KCTD14: variants seen among roughly 807,000 people sequenced by gnomAD.
KCTD14 encodes the protein BTB/POZ domain-containing protein KCTD14.
In KCTD14, 7 loss-of-function variants were observed where a neutral mutation model predicts 5.9. The ratio of observed to expected loss-of-function variants is 1.19; its 90% CI spans 0.68 to 2.23. The LOEUF (loss-of-function observed/expected upper bound fraction) is 2.23. KCTD14 is among the 30% of genes most tolerant of loss of function. KCTD14 has a pLI of 0.00. For missense variants in KCTD14, 342 were observed against 332.2 expected, an observed-to-expected ratio of 1.03 and a Z score of -0.23; for synonymous variants, 140 against 133.1, an observed-to-expected ratio of 1.05 and a Z score of -0.36.
intron 1 of KCTD14, among the ~76,000 whole-genome samples, chr11:78,022,104 T>A (rs1440390179): frequency 2.0e-5 from 3 of 152,290 alleles, no homozygotes; most frequent in East Asian, 3.9e-4. Flanking sequence ...ATTCCCTGTT[T>A]CTTCATTGAC....
intron 2 of KCTD14, among the ~76,000 whole-genome samples, chr11:78,030,169 C>T (rs1051053775): frequency 1.3e-5 from 2 of 151,978 alleles, no homozygotes; most frequent in African/African-American, 2.4e-5. Flanking sequence ...CTTCTTTTTT[C>T]CCCCCCTCCA....
At position 78,030,621 on chromosome 11, in the gene KCTD14, C is replaced by T. The variant is rs190709595; in HGVS notation, c.-1+8043G>A. ...GCACTGCTTCCTTCTGCCCTCCCCT[C>T]ACTCACTCCCCTCTGTTCTTCAGGA... On this transcript the variant is annotated intron_variant, in intron 2 of 2. Transcript: ENST00000533144. 2.0e-5 allele frequency among the ~76,000 whole-genome samples: 3 copies of T among 152,346 alleles called. No homozygotes were observed. In the East Asian group the frequency reaches 5.8e-4, roughly 29 times the overall value.
chr11:78,022,245 T>C (rs1857329215), intron 1 of KCTD14, among the ~76,000 whole-genome samples: 1 of 151,850 alleles, frequency 6.6e-6, no homozygotes, highest in Non-Finnish European at 1.5e-5. Flanking sequence ...CGAGACCCCA[T>C]CTCTATTTTA....
rs774763251 is a variant in KCTD14, at chr11:78,016,776, G to A, written c.585C>T (p.Phe195=). ...AGGGCCCAAACTTGACAACAGACTTGAACATCTTCTTATCCTGCAGAAAAC... is the reference window on the plus strand; with the variant it reads ...AGGGCCCAAACTTGACAACAGACTTAAACATCTTCTTATCCTGCAGAAAAC... The part of the protein sequence containing the change: ...VLCFLQDKKM[F]KSVVKFGPWK... The change falls in exon 2 of 2, where the codon TTC becomes TTT. Residue 195 remains phenylalanine (F), a synonymous_variant. Coordinates refer to ENST00000353172, the MANE Select transcript of KCTD14 (RefSeq NM_023930.4). 4.8e-5 allele frequency: 77 copies of A among 1,614,006 alleles called. No individual in the cohort carries two copies. The highest frequency in any genetic ancestry group is 5.5e-5 in the Non-Finnish European group (65 of 1,179,998).
upstream of KCTD14, among the ~76,000 whole-genome samples, chr11:78,025,103 T>TGC (rs1857418580): frequency 1.5e-5 from 1 of 64,598 alleles, no homozygotes; most frequent in African/African-American, 8.5e-5. Context: ...TGTGTGTGTG[T>TGC]GTGTGTGTGT....
At chr11:78,030,099 T>C (rs950433456) in intron 2 of KCTD14, among the ~76,000 whole-genome samples, 1 of 152,116 alleles carries the variant, frequency 6.6e-6, no homozygotes, top group African/African-American at 2.4e-5. Context: ...GTGAGAAAAT[T>C]TCTTTAGAGC....
Position 78,016,910 on chromosome 11 carries a change from G to C in KCTD14, c.451C>G (p.Leu151Val). The change falls in exon 2 of 2, where the codon CTC (leucine) becomes GTC (valine). Residue 151 changes from leucine to valine, a missense_variant. By Grantham distance (32) the Leu-to-Val change is conservative. Coordinates refer to ENST00000353172, the MANE Select transcript of KCTD14 (RefSeq NM_023930.4). ...TCTGCACGTGCCAGGCGCACCATGA[G>C]CTCCAGGTTCTCGCTGTAGCCCGGC... ...QVPGYSENLE[L>V]MVRLARAEAI... is the part of the protein sequence containing the mutation. 6.2e-7 allele frequency: 1 copy of C among 1,614,198 alleles called. No individual in the cohort carries two copies. The highest frequency in any genetic ancestry group is 1.1e-5 in the South Asian group (1 of 91,086).
intron 1 of KCTD14, among the ~76,000 whole-genome samples, chr11:78,038,984 G>A (rs1025850277): frequency 1.0e-4 from 15 of 150,160 alleles, no homozygotes; most frequent in East Asian, 4.0e-4. Flanking sequence ...AGGAATTGGC[G>A]CCCTGCCTAA....
At chr11:78,024,009 G>A (rs1160570164), upstream of KCTD14, among the ~76,000 whole-genome samples, 1 of 152,026 alleles carries the variant, frequency 6.6e-6, no homozygotes, top group Non-Finnish European at 1.5e-5. Context: ...CTTGAATCGG[G>A]GAACACCAGA....
At chr11:78,041,156 G>C (rs1243794515) in intron 1 of KCTD14, among the ~76,000 whole-genome samples, 3 of 152,202 alleles carry the variant, frequency 2.0e-5, no homozygotes. Flanking sequence ...AGCACACTGG[G>C]TCTGATGACT....
intron 1 of KCTD14, 46 bp from the exon 2 acceptor site, chr11:78,017,316 A>T: frequency 6.6e-7 from 1 of 1,517,914 alleles, no homozygotes; most frequent in South Asian, 1.3e-5. Flanking sequence ...ATCTCCCCTG[A>T]GCGCATTACT....
intron 1 of KCTD14, among the ~76,000 whole-genome samples, chr11:78,041,101 A>G (rs1857981684): frequency 6.6e-6 from 1 of 152,182 alleles, no homozygotes; most frequent in South Asian, 2.1e-4. Flanking sequence ...TGGGAGACAC[A>G]CAGTCTGTCA....
chr11:78,026,955 C>T (rs1857482810), upstream of KCTD14, among the ~76,000 whole-genome samples: 1 of 151,928 alleles, frequency 6.6e-6, no homozygotes, highest in Non-Finnish European at 1.5e-5. Context: ...AAAAAATTAG[C>T]TGGCGTGGTG....
At chr11:78,030,628 T>G (rs1157795143) in intron 2 of KCTD14, among the ~76,000 whole-genome samples, 2 of 152,030 alleles carry the variant, frequency 1.3e-5, no homozygotes, top group African/African-American at 4.8e-5. Context: ...CCTCACTCAC[T>G]CCCCTCTGTT....
At chr11:78,034,419 T>C (rs1857727835) in intron 2 of KCTD14, among the ~76,000 whole-genome samples, 1 of 152,094 alleles carries the variant, frequency 6.6e-6, no homozygotes, top group Non-Finnish European at 1.5e-5. Context: ...GGAGGAAAAT[T>C]ACTTTTCATT....
At chr11:78,039,551 G>T (rs1191712372) in intron 1 of KCTD14, among the ~76,000 whole-genome samples, 2 of 151,172 alleles carry the variant, frequency 1.3e-5, no homozygotes, top group African/African-American at 2.4e-5. Context: ...AAAAAGAAAA[G>T]ATTTATTTAA....
rs112075167 is a variant in KCTD14 at position 78,016,849 on chromosome 11, C to A, written c.512G>T (p.Cys171Phe). ...ITARKSSVLV[C>F]LVETEEQDAY... The stretch of plus-strand genomic sequence containing the variant: ...ATCCTGCTCCTCAGTTTCCACCAGG[C>A]ACACAAGCACGCTGGACTTCCGTGC... Residue 171 changes from cysteine (C) to phenylalanine (F), a missense_variant, in exon 2 of 2, where the codon TGC becomes TTC. Coordinates refer to ENST00000353172, the MANE Select transcript of KCTD14 (RefSeq NM_023930.4). 41 of 1,614,096 alleles carry A rather than the reference C, an allele frequency of 2.5e-5. 1 individual carries two copies. The highest frequency in any genetic ancestry group is 2.0e-4 in the East Asian group (9 of 44,902).
chr11:78,017,387 G>T, intron 1 of KCTD14, 117 bp from the exon 2 acceptor site: 1 of 1,287,764 alleles, frequency 7.8e-7, no homozygotes. Flanking sequence ...ATTGGCTTCA[G>T]CTAGTGAAAG....
rs756665726 is a variant in KCTD14, at chr11:78,016,530, T to C, written c.*63A>G. On this transcript the variant is annotated 3_prime_UTR_variant, in exon 2 of 2. Coordinates refer to ENST00000353172, the MANE Select transcript of KCTD14 (RefSeq NM_023930.4). ...TTTGTGAAATTAAAAGAAAATGGCT[T>C]TGATGGCAACTTTTAATTTCATAAG... The C allele has an allele frequency of 5.6e-4, 809 of 1,438,018 alleles. No homozygotes were observed. Among genetic ancestry groups the C allele is most frequent in the Non-Finnish European group, 7.4e-4 (779 of 1,052,144 alleles). The allele number at this position is 1,438,018 out of a possible 1,614,324, so 89.1% of individuals were successfully genotyped here.
Sources: gnomAD v4.1 joint callset for allele counts (sites outside exome capture counted in the v4.1 genomes callset) on GRCh38, gnomAD v4.1.1 for gene constraint, MANE v1.5 for transcripts, NCBI Gene and HGNC (gene_info 2026-07-23, HGNC 2026-07-21) for gene names.